The following CADM2 variants were observed in gnomAD, a reference collection of about 807,000 sequenced individuals.
The protein encoded by CADM2 is cell adhesion molecule 2.
Under a neutral mutation model 49.8 loss-of-function variants are expected in CADM2, and 12 were observed. That is an observed-to-expected ratio of 0.24 (90% CI 0.15 to 0.39). CADM2 has a LOEUF of 0.39. CADM2 is among the 10% of genes least tolerant of loss of function. CADM2 has a pLI of 1.00. For missense variants in CADM2, 378 were observed against 492.3 expected, an observed-to-expected ratio of 0.77 and a Z score of 2.20; for synonymous variants, 214 against 175.4, an observed-to-expected ratio of 1.22 and a Z score of -1.74.
intron 1 of CADM2, among the ~76,000 whole-genome samples, chr3:85,655,202 T>C (rs2065160770): frequency 6.6e-6 from 1 of 151,708 alleles, no homozygotes; most frequent in South Asian, 2.1e-4. Context: ...TCGCCCAGGC[T>C]GGAGTGCAGT....
intron 8 of CADM2, among the ~76,000 whole-genome samples, chr3:86,039,908 C>T (rs567144806): frequency 1.3e-5 from 2 of 152,154 alleles, no homozygotes; most frequent in African/African-American, 2.4e-5. Flanking sequence ...GATCAGGCAG[C>T]AACATTTGCT....
In CADM2 at chr3:85,568,435, CTT is replaced by C. The variant is rs1491470762; in HGVS notation, c.62-158085_62-158084del. ...TCTTTCTTTCTTTCTTTCTTTCTTTCTTTCTTTCTTTCTTTCTTTCTTTCTTT... is the reference window on the plus strand; with the variant it reads ...TCTTTCTTTCTTTCTTTCTTTCTTTCTCTTTCTTTCTTTCTTTCTTTCTTT... On this transcript the variant is annotated intron_variant, in intron 1 of 9. Transcript: ENST00000383699. Among the ~76,000 whole-genome samples the C allele has an allele frequency of 5.5e-4, 16 of 29,306 alleles. 1 individual carries two copies. Among genetic ancestry groups the C allele is most frequent in the South Asian group, 2.5e-3 (2 of 788 alleles). 19.2% of individuals were successfully genotyped at this position (29,306 alleles called of 152,430 possible).
intron 1 of CADM2, among the ~76,000 whole-genome samples, chr3:85,468,499 A>G (rs564094988): frequency 1.3e-5 from 2 of 152,276 alleles, no homozygotes; most frequent in South Asian, 4.1e-4. Context: ...CTTGTTATTA[A>G]TCATTCTTAA....
chr3:85,076,303 T>TTGTGTGTGTGTGTGTGTGTG lies in CADM2; in HGVS notation c.61+116652_61+116671dup, dbSNP rs71108205. ...TAACCACCAAACTATAAAAAAGAAA[T>TTGTGTGTGTGTGTGTGTGTG]TGTGTGTGTGTGTGTGTGTGTGTGT... On this transcript the variant is annotated intron_variant, in intron 1 of 9. Transcript: ENST00000383699. 7.1e-4 allele frequency among the ~76,000 whole-genome samples: 99 copies of TTGTGTGTGTGTGTGTGTGTG among 139,350 alleles called. 1 individual carries two copies. The highest frequency in any genetic ancestry group is 1.9e-3 in the African/African-American group (70 of 37,178). 91.4% of individuals were successfully genotyped at this position (139,350 alleles called of 152,430 possible).
At chr3:85,191,511 C>T (rs957978974) in intron 1 of CADM2, among the ~76,000 whole-genome samples, 1 of 152,010 alleles carries the variant, frequency 6.6e-6, no homozygotes, top group African/African-American at 2.4e-5. Context: ...AATTGGGACA[C>T]TAATAAATTA....
At chr3:85,878,605 A>G (rs918534691) in intron 3 of CADM2, among the ~76,000 whole-genome samples, 19 of 152,146 alleles carry the variant, frequency 1.2e-4, no homozygotes, top group African/African-American at 4.6e-4. Context: ...ATCATAATCC[A>G]AAGATGGAAG....
intron 1 of CADM2, among the ~76,000 whole-genome samples, chr3:85,453,307 T>C (rs961659116): frequency 3.3e-5 from 5 of 152,138 alleles, no homozygotes; most frequent in Non-Finnish European, 7.4e-5. Flanking sequence ...TACACTTCTT[T>C]AAATTCCTTT....
In CADM2 at chr3:85,361,185, A is replaced by G. The variant is rs532640601; in HGVS notation, c.62-365337A>G. Among the ~76,000 whole-genome samples, 5 of 152,294 alleles carry G rather than the reference A, an allele frequency of 3.3e-5. No individual in the cohort carries two copies. The East Asian group carries it at 9.7e-4, about 29-fold the overall frequency. On this transcript the variant is annotated intron_variant, in intron 1 of 9. Transcript: ENST00000383699. The stretch of plus-strand genomic sequence containing the variant: ...TATTTGAGCATTGAACGATTCATGA[A>G]TTGGGAGCACAAGACTGCAAGCAGT...
intron 5 of CADM2, among the ~76,000 whole-genome samples, chr3:85,902,317 A>T (rs1716232951): frequency 6.6e-6 from 1 of 151,726 alleles, no homozygotes; most frequent in African/African-American, 2.4e-5. Flanking sequence ...ATCTGCTTTG[A>T]TATTAGTATA....
At chr3:85,664,827 T>C (rs913243912) in intron 1 of CADM2, among the ~76,000 whole-genome samples, 3 of 152,016 alleles carry the variant, frequency 2.0e-5, no homozygotes, top group Non-Finnish European at 4.4e-5. Context: ...TTTAGCACTT[T>C]ACTAAAATGG....
At chr3:85,554,209 A>G (rs555347928) in intron 1 of CADM2, among the ~76,000 whole-genome samples, 118 of 152,258 alleles carry the variant, frequency 7.7e-4, no homozygotes, top group Non-Finnish European at 1.4e-3. Context: ...AGATTCTCGT[A>G]AGGAGTATGC....
At chr3:85,485,467 T>G (rs1278336773) in intron 1 of CADM2, among the ~76,000 whole-genome samples, 1 of 151,948 alleles carries the variant, frequency 6.6e-6, no homozygotes, top group African/African-American at 2.4e-5. Context: ...TACCAGCAGG[T>G]GATTGATAAC....
intron 6 of CADM2, among the ~76,000 whole-genome samples, chr3:85,919,583 G>A (rs1374128690): frequency 6.6e-6 from 1 of 151,804 alleles, no homozygotes; most frequent in African/African-American, 2.4e-5. Context: ...TGACAGTCCT[G>A]ACCTTCTTGA....
intron 1 of CADM2, among the ~76,000 whole-genome samples, chr3:85,425,102 C>G (rs2036341825): frequency 6.6e-6 from 1 of 152,134 alleles, no homozygotes; most frequent in Non-Finnish European, 1.5e-5. Context: ...AGGTCACGAA[C>G]ATATTCTATT....
chr3:85,721,410 G>C (rs1018204642), intron 1 of CADM2, among the ~76,000 whole-genome samples: 1 of 152,142 alleles, frequency 6.6e-6, no homozygotes, highest in Non-Finnish European at 1.5e-5. Context: ...CAGGCCTGCT[G>C]GGCTCATTTC....
At chr3:85,532,199 AAAT>A (rs781308226) in intron 1 of CADM2, among the ~76,000 whole-genome samples, 43,909 of 115,316 alleles carry the variant, frequency 0.38, 7,446 homozygotes, top group East Asian at 0.67. Flanking sequence ...AATAATAAAA[AAAT>A]AAAAATAGTG....
chr3:85,760,370 A>T (rs745862725), intron 2 of CADM2, among the ~76,000 whole-genome samples: 1 of 150,932 alleles, frequency 6.6e-6, no homozygotes, highest in South Asian at 2.1e-4. Flanking sequence ...AAATCATTTT[A>T]TCTGAGCAGT....
At chr3:85,674,347 G>C (rs2065830857) in intron 1 of CADM2, among the ~76,000 whole-genome samples, 1 of 152,068 alleles carries the variant, frequency 6.6e-6, no homozygotes, top group African/African-American at 2.4e-5. Flanking sequence ...TACAGAAGTT[G>C]TTATTATTCT....
chr3:85,678,619 A>T (rs1398641557), intron 1 of CADM2, among the ~76,000 whole-genome samples: 1 of 152,224 alleles, frequency 6.6e-6, no homozygotes, highest in African/African-American at 2.4e-5. Flanking sequence ...GCCTGATCAA[A>T]AAGTTCAAGC....
Sources: gnomAD v4.1 joint callset for allele counts (sites outside exome capture counted in the v4.1 genomes callset) on GRCh38, gnomAD v4.1.1 for gene constraint, MANE v1.5 for transcripts, NCBI Gene and HGNC (gene_info 2026-07-23, HGNC 2026-07-21) for gene names.